The following SOCS5 variants were observed in gnomAD, a reference collection of about 807,000 sequenced individuals.
SOCS5 encodes the protein suppressor of cytokine signaling 5.
A neutral mutation model predicts 42.8 loss-of-function variants in SOCS5; 32 were observed. That is an observed-to-expected ratio of 0.75 (90% CI 0.56 to 1.01). The LOEUF is 1.01. Ranked by LOEUF, SOCS5 falls within the 50% of genes least tolerant of loss-of-function variation. SOCS5 has a pLI of 0.00. For missense variants in SOCS5, 627 were observed against 653.0 expected, an observed-to-expected ratio of 0.96 and a Z score of 0.43; for synonymous variants, 283 against 229.6, an observed-to-expected ratio of 1.23 and a Z score of -2.10.
intron 1 of SOCS5, among the ~76,000 whole-genome samples, chr2:46,720,140 C>T (rs750857435): frequency 2.0e-5 from 3 of 152,100 alleles, no homozygotes; most frequent in African/African-American, 4.8e-5. Flanking sequence ...GTGATAAAAA[C>T]TTGTACCTCA....
chr2:46,746,232 T>G (rs958269533), intron 1 of SOCS5, among the ~76,000 whole-genome samples: 1 of 152,140 alleles, frequency 6.6e-6, no homozygotes, highest in African/African-American at 2.4e-5. Flanking sequence ...AATATGGTTG[T>G]GAAGTAGGCT....
At chr2:46,703,883 A>G (rs1168233618) in intron 1 of SOCS5, among the ~76,000 whole-genome samples, 1 of 152,200 alleles carries the variant, frequency 6.6e-6, no homozygotes, top group African/African-American at 2.4e-5. Context: ...GTTAGAGCAG[A>G]AGTAATCTTG....
chr2:46,751,490 T>C (rs1224360702), intron 1 of SOCS5, among the ~76,000 whole-genome samples: 1 of 151,924 alleles, frequency 6.6e-6, no homozygotes, highest in East Asian at 1.9e-4. Flanking sequence ...TATGTACAGG[T>C]TTTGCATAAA....
Position 46,739,116 on chromosome 2 carries a change from G to A in SOCS5, c.-12-19403G>A, listed in dbSNP as rs895503084. Among the ~76,000 whole-genome samples, 5 of 152,084 alleles carry A rather than the reference G, an allele frequency of 3.3e-5. 2 individuals are homozygous for A. The South Asian group carries it at 8.3e-4, about 25-fold the overall frequency. On this transcript the variant is annotated intron_variant, in intron 1 of 1. Transcript: ENST00000394861. ...CTTTGGTAGAATATTTAATTGGGTCGACTGTGCCAAATTTTATTTGTGGCT... is the reference window on the plus strand; with the variant it reads ...CTTTGGTAGAATATTTAATTGGGTCAACTGTGCCAAATTTTATTTGTGGCT...
At position 46,699,610 on chromosome 2, in the gene SOCS5, G is replaced by C. The variant is rs987425399; in HGVS notation, c.-13+161G>C. Among the ~76,000 whole-genome samples, 13 of 152,232 alleles carry C rather than the reference G, an allele frequency of 8.5e-5. No individual in the cohort carries two copies. Among genetic ancestry groups the C allele is most frequent in the African/African-American group, 2.9e-4 (12 of 41,558 alleles). ...GGAGGCAGCGCCGGCCTCTGGCTGG[G>C]ATGGGCTGGCCGGGAAAAGGACTGC... is the stretch of plus-strand genomic sequence containing the variant. On this transcript the variant is annotated intron_variant, in intron 1 of 1. Coordinates refer to ENST00000394861, the MANE Select transcript of SOCS5 (RefSeq NM_144949.3). The surrounding 1 kb of genome is among the most constrained non-coding windows in gnomAD (Gnocchi z 4.8).
intron 1 of SOCS5, among the ~76,000 whole-genome samples, chr2:46,717,862 T>A: frequency 6.6e-6 from 1 of 152,168 alleles, no homozygotes; most frequent in East Asian, 1.9e-4. Flanking sequence ...GTTGTTTGGT[T>A]CATACTGTTT....
At chr2:46,727,467 T>A (rs1328267785) in intron 1 of SOCS5, among the ~76,000 whole-genome samples, 2 of 152,242 alleles carry the variant, frequency 1.3e-5, no homozygotes, top group African/African-American at 4.8e-5. Context: ...GGATCTTACT[T>A]AAATTCCATG....
At chr2:46,754,448 C>T (rs1001858596) in intron 1 of SOCS5, among the ~76,000 whole-genome samples, 1 of 152,092 alleles carries the variant, frequency 6.6e-6, no homozygotes, top group Non-Finnish European at 1.5e-5. Context: ...CTCTTCCATA[C>T]TTCATTAGGT....
chr2:46,705,213 G>A (rs1672435568), intron 1 of SOCS5, among the ~76,000 whole-genome samples: 1 of 152,182 alleles, frequency 6.6e-6, no homozygotes, highest in Non-Finnish European at 1.5e-5. Context: ...TCAAGGAGAG[G>A]GCTGTAGGAG....
intron 1 of SOCS5, among the ~76,000 whole-genome samples, chr2:46,717,179 T>C (rs1221713027): frequency 6.6e-6 from 1 of 152,182 alleles, no homozygotes; most frequent in Non-Finnish European, 1.5e-5. Flanking sequence ...TTCGATGCCC[T>C]GCAAATTCTA....
intron 1 of SOCS5, among the ~76,000 whole-genome samples, chr2:46,716,367 A>ATTTTTTTTTTTTTTTTTTTTTTTTTTTTC (rs1672742848): frequency 1.2e-4 from 2 of 17,014 alleles, no homozygotes; most frequent in African/African-American, 1.8e-4. Flanking sequence ...GAGTGTCTTC[A>ATTTTTTTTTTTTTTTTTTTTTTTTTTTTC]TTTTTTTTTT....
At chr2:46,730,066 T>C (rs553543148) in intron 1 of SOCS5, among the ~76,000 whole-genome samples, 1 of 152,356 alleles carries the variant, frequency 6.6e-6, no homozygotes, top group South Asian at 2.1e-4. Flanking sequence ...TAGGAGTTTT[T>C]CAGCTCTGTT....
At chr2:46,724,394 C>G (rs978278664) in intron 1 of SOCS5, among the ~76,000 whole-genome samples, 1 of 151,928 alleles carries the variant, frequency 6.6e-6, no homozygotes, top group Middle Eastern at 3.2e-3. Flanking sequence ...ATGACGTTAG[C>G]TGTAGGCATG....
chr2:46,720,329 G>C (rs1672851195), intron 1 of SOCS5, among the ~76,000 whole-genome samples: 1 of 152,112 alleles, frequency 6.6e-6, no homozygotes, highest in African/African-American at 2.4e-5. Context: ...ACTGCTCTTG[G>C]TGTCATAGGA....
At chr2:46,710,655 A>G (rs897198758) in intron 1 of SOCS5, among the ~76,000 whole-genome samples, 11 of 152,214 alleles carry the variant, frequency 7.2e-5, no homozygotes, top group Admixed American at 5.9e-4. Flanking sequence ...TATAGCTAAC[A>G]TCATATTCAG....
intron 1 of SOCS5, among the ~76,000 whole-genome samples, chr2:46,748,977 A>G (rs993020820): frequency 1.7e-4 from 26 of 152,126 alleles, no homozygotes; most frequent in African/African-American, 5.8e-4. Flanking sequence ...AAATTCCTCA[A>G]CTGAGAGTTG....
intron 1 of SOCS5, among the ~76,000 whole-genome samples, chr2:46,747,008 C>G (rs536263974): frequency 2.3e-4 from 31 of 133,248 alleles, no homozygotes; most frequent in South Asian, 1.8e-3. Context: ...GATTACATAT[C>G]AAGGTTGCTA....
At chr2:46,753,277 A>G (rs1168508695) in intron 1 of SOCS5, among the ~76,000 whole-genome samples, 1 of 151,818 alleles carries the variant, frequency 6.6e-6, no homozygotes, top group East Asian at 1.9e-4. Flanking sequence ...TTGCTCCCCA[A>G]CCCCGAAACT....
At chr2:46,752,862 A>G (rs1160697006) in intron 1 of SOCS5, among the ~76,000 whole-genome samples, 1 of 152,222 alleles carries the variant, frequency 6.6e-6, no homozygotes, top group Non-Finnish European at 1.5e-5. Flanking sequence ...TTGCCTAAGC[A>G]AGACTCCTAG....
Sources: allele counts gnomAD v4.1 joint callset (sites outside exome capture counted in the v4.1 genomes callset), GRCh38; gene constraint gnomAD v4.1.1; non-coding constraint Gnocchi (gnomAD v3.1); transcripts MANE v1.5; gene names NCBI Gene and HGNC (gene_info 2026-07-23, HGNC 2026-07-21).